Variants in CDH13 observed in about 807,000 individuals in gnomAD.
CDH13 encodes the protein cadherin 13, also known as cadherin-13.
A neutral mutation model predicts 63.8 loss-of-function variants in CDH13; 24 were observed. That is an observed-to-expected ratio of 0.38 (90% CI 0.27 to 0.53). The LOEUF is 0.53. Ranked by LOEUF, CDH13 falls within the 20% of genes least tolerant of loss-of-function variation. The pLI is 0.85. For missense variants in CDH13, 1,049 were observed against 903.1 expected, an observed-to-expected ratio of 1.16 and a Z score of -2.07; for synonymous variants, 503 against 355.3, an observed-to-expected ratio of 1.42 and a Z score of -4.67.
At chr16:82,705,198 A>T (rs2031388504) in intron 1 of CDH13, 1 of 455,732 alleles carries the variant, frequency 2.2e-6, no homozygotes, top group Non-Finnish European at 4.4e-6. Context: ...CTATTATTTC[A>T]TGATGAGCTT....
At chr16:83,493,939 T>A (rs2074077234) in intron 7 of CDH13, among the ~76,000 whole-genome samples, 2 of 152,342 alleles carry the variant, frequency 1.3e-5, no homozygotes, top group African/African-American at 2.4e-5. Flanking sequence ...GAGCTACCAC[T>A]TGAATCTAAA....
intron 4 of CDH13, among the ~76,000 whole-genome samples, chr16:83,133,033 T>C (rs1333638565): frequency 6.6e-6 from 1 of 152,168 alleles, no homozygotes; most frequent in East Asian, 1.9e-4. Flanking sequence ...ACATTGACAT[T>C]ATTGCAGGAA....
chr16:82,899,534 G>T (rs1295726913), intron 2 of CDH13, among the ~76,000 whole-genome samples: 1 of 152,042 alleles, frequency 6.6e-6, no homozygotes, highest in Non-Finnish European at 1.5e-5. Context: ...TCTAGTACAA[G>T]CCCTAGTTTC....
intron 1 of CDH13, among the ~76,000 whole-genome samples, chr16:82,710,570 T>A (rs2031853887): frequency 8.2e-6 from 1 of 121,860 alleles, no homozygotes; most frequent in South Asian, 2.4e-4. Flanking sequence ...TATATATATA[T>A]ATATATAAAT....
At chr16:83,628,854 T>A (rs1910544715) in intron 8 of CDH13, among the ~76,000 whole-genome samples, 1 of 152,208 alleles carries the variant, frequency 6.6e-6, no homozygotes, top group South Asian at 2.1e-4. Flanking sequence ...TTTCTGTGGG[T>A]TTTAAACTTA....
intron 5 of CDH13, among the ~76,000 whole-genome samples, chr16:83,292,745 C>T (rs1291435183): frequency 3.3e-5 from 5 of 152,118 alleles, no homozygotes; most frequent in Non-Finnish European, 7.4e-5. Flanking sequence ...TGAATATCCT[C>T]AGGGTATGTT....
intron 2 of CDH13, among the ~76,000 whole-genome samples, chr16:83,001,816 G>T (rs1912966726): frequency 6.6e-6 from 1 of 152,196 alleles, no homozygotes; most frequent in Non-Finnish European, 1.5e-5. Context: ...TGTTGGAGAA[G>T]ATCACTTTTG....
chr16:83,564,248 A>G (rs1018635689), intron 7 of CDH13, among the ~76,000 whole-genome samples: 1 of 152,236 alleles, frequency 6.6e-6, no homozygotes, highest in African/African-American at 2.4e-5. Context: ...CAAGTAGCTC[A>G]AAATCTAGCA....
chr16:82,672,458 C>T (rs1309060153), intron 1 of CDH13, among the ~76,000 whole-genome samples: 1 of 151,992 alleles, frequency 6.6e-6, no homozygotes, highest in African/African-American at 2.4e-5. Flanking sequence ...AGCTTTAGTC[C>T]CTCCCTAATC....
At chr16:82,778,441 A>G (rs1020742458) in intron 1 of CDH13, among the ~76,000 whole-genome samples, 3 of 152,084 alleles carry the variant, frequency 2.0e-5, no homozygotes, top group African/African-American at 7.2e-5. Context: ...TGTACTTTCT[A>G]TACAAATAAG....
intron 2 of CDH13, among the ~76,000 whole-genome samples, chr16:82,918,612 G>A (rs1950887779): frequency 1.3e-5 from 2 of 150,048 alleles, no homozygotes; most frequent in African/African-American, 2.5e-5. Context: ...AGGTTCAAGC[G>A]CTCCTCCTGC....
At chr16:82,766,176 G>T (rs931335057) in intron 1 of CDH13, among the ~76,000 whole-genome samples, 1 of 152,134 alleles carries the variant, frequency 6.6e-6, no homozygotes, top group African/African-American at 2.4e-5. Flanking sequence ...GTCTTCTTTA[G>T]GCTTCTGCTA....
chr16:82,630,747 A>T (rs1907905118), intron 1 of CDH13, among the ~76,000 whole-genome samples: 1 of 152,246 alleles, frequency 6.6e-6, no homozygotes, highest in Admixed American at 6.5e-5. Context: ...ATTTAGTGGA[A>T]TGTAGGAAAA....
At chr16:83,239,900 G>C (rs1424179) in intron 5 of CDH13, among the ~76,000 whole-genome samples, 150,798 of 152,238 alleles carry the variant, frequency 0.99, 74,707 homozygotes, top group Middle Eastern at 1. Context: ...GCATGATATT[G>C]TAGTCTATAC....
intron 1 of CDH13, among the ~76,000 whole-genome samples, chr16:82,856,905 G>T (rs2039725320): frequency 6.6e-6 from 1 of 152,042 alleles, no homozygotes; most frequent in South Asian, 2.1e-4. Flanking sequence ...TCACCAGAGG[G>T]GTGAGGGAAT....
chr16:83,367,803 CTG>C (rs572377787), intron 6 of CDH13, among the ~76,000 whole-genome samples: 2 of 152,050 alleles, frequency 1.3e-5, no homozygotes, highest in African/African-American at 2.4e-5. Flanking sequence ...GTTTCAATTT[CTG>C]TGAAAAAAGA....
At chr16:83,268,236 A>T (rs1201766983) in intron 5 of CDH13, among the ~76,000 whole-genome samples, 4 of 152,196 alleles carry the variant, frequency 2.6e-5, no homozygotes, top group African/African-American at 9.7e-5. Context: ...ACCTATACTC[A>T]TGTTGTATAC....
At chr16:82,716,959 C>T (rs895050227) in intron 1 of CDH13, among the ~76,000 whole-genome samples, 1 of 151,966 alleles carries the variant, frequency 6.6e-6, no homozygotes, top group Non-Finnish European at 1.5e-5. Flanking sequence ...CAATTAGAGA[C>T]TTAGAGATTC....
At chr16:83,565,524 C>T (rs1162365574) in intron 7 of CDH13, among the ~76,000 whole-genome samples, 1 of 151,494 alleles carries the variant, frequency 6.6e-6, no homozygotes, top group Non-Finnish European at 1.5e-5. Flanking sequence ...CTCCTGTTCT[C>T]TGCTTGGATG....
Sources: allele counts gnomAD v4.1 joint callset (sites outside exome capture counted in the v4.1 genomes callset), GRCh38; gene constraint gnomAD v4.1.1; transcripts MANE v1.5; gene names NCBI Gene and HGNC (gene_info 2026-07-23, HGNC 2026-07-21).